The following STK3 variants were observed in gnomAD, a reference collection of about 807,000 sequenced individuals.
The protein encoded by STK3 is serine/threonine kinase 3.
Under a neutral mutation model 58.0 loss-of-function variants are expected in STK3, and 41 were observed. That is an observed-to-expected ratio of 0.71 (90% CI 0.55 to 0.92). The LOEUF (loss-of-function observed/expected upper bound fraction) is 0.92. Among genes scored for constraint, STK3 ranks in the 40% least tolerant of loss-of-function variants. The pLI, the probability that STK3 is intolerant of heterozygous loss-of-function variation, is 0.00. For missense variants in STK3, 479 were observed against 602.7 expected, an observed-to-expected ratio of 0.79 and a Z score of 2.15; for synonymous variants, 170 against 191.0, an observed-to-expected ratio of 0.89 and a Z score of 0.91.
intron 10 of STK3, among the ~76,000 whole-genome samples, chr8:98,517,833 T>C (rs1825049650): frequency 6.6e-6 from 1 of 152,108 alleles, no homozygotes; most frequent in Non-Finnish European, 1.5e-5. Flanking sequence ...AATTCCACTA[T>C]TGGTTAACAT....
chr8:98,375,784 G>A lies in STK3; in HGVS notation n.111+3369C>T, dbSNP rs180696665. ...CTCTTCCATTGTATGGATTATAGAT[G>A]CAACACAGATGTCCTTCTTTCATCT... is the stretch of plus-strand genomic sequence containing the variant. On this transcript the variant is annotated intron_variant and non_coding_transcript_variant, in intron 2 of 2. Coordinates refer to the STK3 transcript ENST00000518704. Among the ~76,000 whole-genome samples the A allele has an allele frequency of 2.0e-5, 3 of 152,002 alleles. No individual in the cohort carries two copies. The East Asian group carries it at 5.8e-4, about 29-fold the overall frequency.
At chr8:98,374,889 T>C (rs1459678073) in intron 2 of STK3, among the ~76,000 whole-genome samples, 1 of 152,094 alleles carries the variant, frequency 6.6e-6, no homozygotes, top group African/African-American at 2.4e-5. Context: ...AGGAATGGAA[T>C]AAATGGAGGT....
At position 98,377,228 on chromosome 8, in the gene STK3, C is replaced by T. The variant is rs140882820; in HGVS notation, n.111+1925G>A. Reference sequence around the variant, plus strand: ...TAAGGTGATATGATACTCACCAGCACCCATTTAAAAAATGCATCAACATTG... The same window carrying T: ...TAAGGTGATATGATACTCACCAGCATCCATTTAAAAAATGCATCAACATTG... On this transcript the variant is annotated intron_variant and non_coding_transcript_variant, in intron 2 of 2. Coordinates refer to the STK3 transcript ENST00000518704. Among the ~76,000 whole-genome samples, 508 of 152,250 alleles carry T rather than the reference C, an allele frequency of 3.3e-3. 3 individuals carry two copies. The highest frequency in any genetic ancestry group is 0.012 in the African/African-American group (492 of 41,562).
At chr8:98,535,992 GA>G (rs1809728907) in intron 9 of STK3, among the ~76,000 whole-genome samples, 1 of 152,136 alleles carries the variant, frequency 6.6e-6, no homozygotes, top group African/African-American at 2.4e-5. Flanking sequence ...GGTAGCAACA[GA>G]AAGGGGAGAA....
chr8:98,714,393 A>G (rs1325494896), intron 4 of STK3, among the ~76,000 whole-genome samples: 2 of 152,210 alleles, frequency 1.3e-5, no homozygotes, highest in African/African-American at 4.8e-5. Flanking sequence ...ATATTGTCTC[A>G]GCCCAAAATC....
intron 3 of STK3, among the ~76,000 whole-genome samples, chr8:98,852,349 G>C (rs1278748333): frequency 6.6e-6 from 1 of 152,070 alleles, no homozygotes; most frequent in Non-Finnish European, 1.5e-5. Context: ...GTCCAGGCTG[G>C]TCTCAAACTC....
chr8:98,762,591 T>C (rs536384898), intron 3 of STK3, among the ~76,000 whole-genome samples: 2 of 152,328 alleles, frequency 1.3e-5, no homozygotes, highest in Admixed American at 1.3e-4. Context: ...TGAGAGCACA[T>C]CAGGCCTACA....
Position 98,874,914 on chromosome 8 carries a change from ACAAC to A in STK3, c.110+8729_110+8732del, listed in dbSNP as rs1325553460. Among the ~76,000 whole-genome samples, 1,212 of 152,236 alleles carry A rather than the reference ACAAC, an allele frequency of 8.0e-3. 18 individuals carry two copies. The highest frequency in any genetic ancestry group is 0.028 in the African/African-American group (1,164 of 41,546). ...GCTGGGATTACAGGCATGAGCCACCACAACTGGCCCTTGTTTATGATTTTTAAAT... is the reference window on the plus strand; with the variant it reads ...GCTGGGATTACAGGCATGAGCCACCATGGCCCTTGTTTATGATTTTTAAAT... On this transcript the variant is annotated intron_variant, in intron 3 of 12. Coordinates refer to the STK3 transcript ENST00000523601.
At chr8:98,598,391 A>G in intron 6 of STK3, 2 of 985,392 alleles carry the variant, frequency 2.0e-6, no homozygotes, top group Non-Finnish European at 2.4e-6. Flanking sequence ...ATATGCATTG[A>G]ACAAGCATGA....
In STK3 at chr8:98,656,730, T is replaced by C. The variant is rs1048132731; in HGVS notation, c.684+49737A>G. On this transcript the variant is annotated intron_variant, in intron 6 of 10. Coordinates refer to ENST00000419617, the MANE Select transcript of STK3 (RefSeq NM_006281.4). The stretch of plus-strand genomic sequence containing the variant: ...CTTCCAGTCACTCTATCATTATCCA[T>C]TGGGATTTGGTAATATATATAGAAA... Among the ~76,000 whole-genome samples, 24 of 152,216 alleles carry C rather than the reference T, an allele frequency of 1.6e-4. No homozygotes were observed. In the East Asian group the frequency reaches 2.3e-3, roughly 15 times the overall value.
chr8:98,819,363 G>A (rs144832223), intron 1 of STK3, among the ~76,000 whole-genome samples: 4 of 152,202 alleles, frequency 2.6e-5, no homozygotes, highest in Admixed American at 6.5e-5. Flanking sequence ...TAAAGACTGA[G>A]TTTCTCTAGT....
chr8:98,577,643 G>T (rs2131717334), intron 8 of STK3, among the ~76,000 whole-genome samples: 1 of 152,258 alleles, frequency 6.6e-6, no homozygotes, highest in African/African-American at 2.4e-5. Flanking sequence ...TCCTGGAAGT[G>T]AATCCTCCAG....
intron 1 of STK3, among the ~76,000 whole-genome samples, chr8:98,440,776 C>T (rs1385419750): frequency 6.6e-6 from 1 of 152,306 alleles, no homozygotes; most frequent in East Asian, 1.9e-4. Flanking sequence ...CGTGCATTTC[C>T]CTTTCTCAAA....
chr8:98,830,174 G>A (rs1270082404), upstream of STK3, among the ~76,000 whole-genome samples: 1 of 152,060 alleles, frequency 6.6e-6, no homozygotes, highest in Non-Finnish European at 1.5e-5. Context: ...GTTGCAGTGA[G>A]CCAAGATTGC....
At chr8:98,741,566 T>A (rs1349039539) in intron 4 of STK3, among the ~76,000 whole-genome samples, 1 of 152,148 alleles carries the variant, frequency 6.6e-6, no homozygotes, top group East Asian at 1.9e-4. Flanking sequence ...AGACACAACA[T>A]ACCAGAATCG....
chr8:98,434,984 C>T (rs1373227518), intron 2 of STK3, among the ~76,000 whole-genome samples: 3 of 152,256 alleles, frequency 2.0e-5, no homozygotes, highest in Admixed American at 2.0e-4. Flanking sequence ...AGCAAGTCCT[C>T]CTGGGGGCAA....
intron 1 of STK3, among the ~76,000 whole-genome samples, chr8:98,927,507 C>A (rs1037627472): frequency 2.0e-5 from 3 of 152,228 alleles, no homozygotes; most frequent in Non-Finnish European, 4.4e-5. Context: ...TTATTGAGTG[C>A]TTACCCTGTG....
chr8:98,893,515 AG>A (rs1296736522), intron 1 of STK3, among the ~76,000 whole-genome samples: 2 of 143,586 alleles, frequency 1.4e-5, no homozygotes, highest in Admixed American at 1.4e-4. Flanking sequence ...AAAGAAAGAA[AG>A]AAAGAAAGAA....
intron 10 of STK3, among the ~76,000 whole-genome samples, chr8:98,462,415 T>G (rs1341930517): frequency 1.3e-5 from 2 of 152,230 alleles, no homozygotes; most frequent in Non-Finnish European, 2.9e-5. Flanking sequence ...ATCATCTTAC[T>G]CATCCTTCAG....
Sources: gnomAD v4.1 joint callset for allele counts (sites outside exome capture counted in the v4.1 genomes callset) on GRCh38, gnomAD v4.1.1 for gene constraint, MANE v1.5 for transcripts, NCBI Gene and HGNC (gene_info 2026-07-23, HGNC 2026-07-21) for gene names.